Variants in TENM3 observed in about 807,000 individuals in gnomAD.
TENM3 encodes teneurin transmembrane protein 3, also known as teneurin-3.
Under a neutral mutation model 255.1 loss-of-function variants are expected in TENM3, and 63 were observed. The ratio of observed to expected loss-of-function variants is 0.25; its 90% CI spans 0.20 to 0.30. The LOEUF (loss-of-function observed/expected upper bound fraction) is 0.30, where lower values mean the gene tolerates loss of function less well. Ranked by LOEUF, TENM3 falls within the 10% of genes least tolerant of loss-of-function variation. TENM3 has a pLI of 1.00. For missense variants in TENM3, 2,929 were observed against 3,461.1 expected, an observed-to-expected ratio of 0.85 and a Z score of 3.86; for synonymous variants, 1,306 against 1,322.3, an observed-to-expected ratio of 0.99 and a Z score of 0.27.
intron 13 of TENM3, among the ~76,000 whole-genome samples, chr4:182,725,636 C>CTTTTTTTTTTTTTTTTT (rs5864795): frequency 6.7e-5 from 9 of 133,660 alleles, no homozygotes; most frequent in Admixed American, 8.1e-5. Flanking sequence ...TCTTTTTTTT[C>CTTTTTTTTTTTTTTTTT]TTTTTTTTTT....
chr4:182,100,822 CATATATATATATATAT>C, the TENM3 span, among the ~76,000 whole-genome samples: 2 of 10,510 alleles, frequency 1.9e-4, 1 homozygote, highest in East Asian at 6.1e-3. Flanking sequence ...TATATATACA[CATATATATATATATAT>C]ACTCATATAT....
chr4:182,102,020 G>A, the TENM3 span, among the ~76,000 whole-genome samples: 2 of 152,214 alleles, frequency 1.3e-5, no homozygotes, highest in African/African-American at 2.4e-5. Context: ...CCGGGGCTGA[G>A]GCTGCAAGTC....
the TENM3 span, among the ~76,000 whole-genome samples, chr4:182,071,962 A>C: frequency 6.6e-6 from 1 of 152,226 alleles, no homozygotes; most frequent in Non-Finnish European, 1.5e-5. Context: ...ACAAAACAAA[A>C]AAAACACTAA....
At chr4:181,531,193 C>T in the TENM3 span, among the ~76,000 whole-genome samples, 1 of 151,998 alleles carries the variant, frequency 6.6e-6, no homozygotes, top group Non-Finnish European at 1.5e-5. Context: ...CTTTAACTGA[C>T]CCACAGAATA....
At chr4:181,576,797 C>CTTTTCT in the TENM3 span, among the ~76,000 whole-genome samples, 3 of 142,214 alleles carry the variant, frequency 2.1e-5, no homozygotes, top group Non-Finnish European at 1.5e-5. Context: ...TTTTCTTTTT[C>CTTTTCT]TTTTCTTTCT....
At chr4:182,445,517 G>A (rs1280691648) in intron 3 of TENM3, among the ~76,000 whole-genome samples, 1 of 152,062 alleles carries the variant, frequency 6.6e-6, no homozygotes, top group African/African-American at 2.4e-5. Flanking sequence ...TTTTCTTCAA[G>A]GTTTTTGTCC....
the TENM3 span, among the ~76,000 whole-genome samples, chr4:181,847,784 C>T: frequency 6.6e-6 from 1 of 151,836 alleles, no homozygotes; most frequent in African/African-American, 2.4e-5. Flanking sequence ...ACTTTCCAAG[C>T]TTGTATATTA....
At position 182,229,866 on chromosome 4, in the gene TENM3, A is replaced by C. The variant is rs142912846; in HGVS notation, c.-76+85112A>C. On this transcript the variant is annotated intron_variant, in intron 1 of 2. Coordinates refer to the TENM3 transcript ENST00000512480. ...TACATAACATTGAAGAATGTTTCCA[A>C]TTCTAAAATTTGGAAGGATGGTGTT... Among the ~76,000 whole-genome samples the C allele has an allele frequency of 4.9e-3, 744 of 152,268 alleles. 5 individuals carry two copies. The highest frequency in any genetic ancestry group is 0.016 in the African/African-American group (680 of 41,548).
At chr4:182,387,687 G>T (rs932213422) in intron 3 of TENM3, among the ~76,000 whole-genome samples, 1 of 151,390 alleles carries the variant, frequency 6.6e-6, no homozygotes, top group Non-Finnish European at 1.5e-5. Flanking sequence ...CAGACGCGCT[G>T]CCTTAAGAGC....
At chr4:182,002,512 G>A in the TENM3 span, among the ~76,000 whole-genome samples, 13 of 151,966 alleles carry the variant, frequency 8.6e-5, no homozygotes, top group Non-Finnish European at 1.5e-4. Flanking sequence ...CCACATTCTC[G>A]GTTGGTTCTC....
At chr4:181,689,317 A>G in the TENM3 span, among the ~76,000 whole-genome samples, 1 of 152,212 alleles carries the variant, frequency 6.6e-6, no homozygotes, top group Non-Finnish European at 1.5e-5. Flanking sequence ...GCTTGTTTTA[A>G]TCCAACTAAA....
At chr4:182,581,643 G>A (rs748953053) in intron 3 of TENM3, among the ~76,000 whole-genome samples, 19 of 151,962 alleles carry the variant, frequency 1.3e-4, no homozygotes, top group Admixed American at 4.6e-4. Context: ...AGGCTGAGGC[G>A]GGAGAATCTC....
At chr4:182,523,478 A>G (rs1481786053) in intron 3 of TENM3, among the ~76,000 whole-genome samples, 1 of 152,178 alleles carries the variant, frequency 6.6e-6, no homozygotes, top group Non-Finnish European at 1.5e-5. Flanking sequence ...GCAACCTTCC[A>G]TTCCCTGTTC....
chr4:181,537,409 G>T, the TENM3 span, among the ~76,000 whole-genome samples: 1 of 152,072 alleles, frequency 6.6e-6, no homozygotes. Context: ...GAGCATCTGG[G>T]TCCTTGTAAA....
At chr4:182,783,738 G>C (rs1454045101) in intron 24 of TENM3, among the ~76,000 whole-genome samples, 1 of 152,122 alleles carries the variant, frequency 6.6e-6, no homozygotes, top group African/African-American at 2.4e-5. Context: ...CATGTTTCTT[G>C]GGGGCTTTGC....
chr4:182,331,447 A>G (rs1763750321), intron 2 of TENM3, among the ~76,000 whole-genome samples: 1 of 152,104 alleles, frequency 6.6e-6, no homozygotes, highest in Admixed American at 6.6e-5. Flanking sequence ...TCAGGAGGCT[A>G]AGGCACAAGA....
intron 16 of TENM3, among the ~76,000 whole-genome samples, chr4:182,734,778 G>A (rs536935788): frequency 2.2e-4 from 33 of 152,100 alleles, no homozygotes; most frequent in Non-Finnish European, 2.8e-4. Flanking sequence ...TTACATCAGA[G>A]AAACACATGC....
chr4:182,206,691 C>T (rs940476865), intron 1 of TENM3, among the ~76,000 whole-genome samples: 1 of 152,166 alleles, frequency 6.6e-6, no homozygotes, highest in Non-Finnish European at 1.5e-5. Flanking sequence ...GGTTTCTATT[C>T]TTTTCTTCCT....
chr4:181,959,929 A>G, the TENM3 span, among the ~76,000 whole-genome samples: 1 of 152,218 alleles, frequency 6.6e-6, no homozygotes, highest in Non-Finnish European at 1.5e-5. Context: ...ACTAATGTTT[A>G]CATCCTTTAA....
Sources: allele counts gnomAD v4.1 joint callset (sites outside exome capture counted in the v4.1 genomes callset), GRCh38; gene constraint gnomAD v4.1.1; transcripts MANE v1.5; gene names NCBI Gene and HGNC (gene_info 2026-07-23, HGNC 2026-07-21).